MYH15: variants seen among roughly 807,000 people sequenced by gnomAD.
MYH15 encodes the protein myosin-15.
In MYH15, 227 loss-of-function variants were observed where a neutral mutation model predicts 240.5. The ratio of observed to expected loss-of-function variants is 0.94; its 90% CI spans 0.85 to 1.05. The LOEUF (loss-of-function observed/expected upper bound fraction) is 1.05. MYH15 is among the 50% of genes least tolerant of loss of function. The pLI is 0.00. For missense variants in MYH15, 2,217 were observed against 2,247.5 expected (o/e 0.99, Z 0.27); for synonymous variants, 785 against 796.7 (o/e 0.99, Z 0.25).
intron 35 of MYH15, among the ~76,000 whole-genome samples, chr3:108,395,248 G>C (rs11713294): frequency 0.068 from 10,401 of 152,272 alleles, 1,100 homozygotes; most frequent in East Asian, 0.48. Flanking sequence ...CAACCTGAGT[G>C]ACAGAGTGAG....
At chr3:108,505,998 C>T (rs144999768) in intron 1 of MYH15, among the ~76,000 whole-genome samples, 169 bp from the exon 2 acceptor site, 69 of 152,246 alleles carry the variant, frequency 4.5e-4, no homozygotes, top group Middle Eastern at 3.4e-3. Context: ...TGAAGATACA[C>T]TCACTCACAT....
chr3:108,464,602 G>A, intron 15 of MYH15, 36 bp downstream of exon 15: 1 of 1,557,794 alleles, frequency 6.4e-7, no homozygotes, highest in Non-Finnish European at 8.7e-7. Flanking sequence ...AACAAAGTCA[G>A]GAAAATTCAA....
intron 22 of MYH15, 80 bp from the exon 23 acceptor site, chr3:108,441,340 CAA>C: frequency 1.3e-6 from 2 of 1,517,190 alleles, no homozygotes; most frequent in South Asian, 1.2e-5. Context: ...TAACACACAG[CAA>C]AGAGATAATT....
chr3:108,534,536 T>C, the MYH15 span, among the ~76,000 whole-genome samples: 1 of 152,086 alleles, frequency 6.6e-6, no homozygotes, highest in East Asian at 1.9e-4. Flanking sequence ...ATTGTCTTCT[T>C]TACAAGTTGT....
Position 108,455,866 on chromosome 3 carries a change from TA to T in MYH15, c.2139-8del. ...TGGATTCAGAATGCAGTACCTAATTTAAAATAAAGAAAAAATCATGAGTTTG... is the reference window on the plus strand; with the variant it reads ...TGGATTCAGAATGCAGTACCTAATTTAAATAAAGAAAAAATCATGAGTTTG... On this transcript the variant is annotated splice_polypyrimidine_tract_variant and splice_region_variant and intron_variant, in intron 19 of 40. Transcript: ENST00000693548. 6.2e-7 allele frequency: 1 copy of T among 1,608,026 alleles called. No homozygotes were observed. The highest frequency in any genetic ancestry group is 8.5e-7 in the Non-Finnish European group (1 of 1,175,058).
chr3:108,386,722 C>G (rs1268465362), intron 38 of MYH15, among the ~76,000 whole-genome samples: 1 of 151,970 alleles, frequency 6.6e-6, no homozygotes, highest in Non-Finnish European at 1.5e-5. Flanking sequence ...TCTTGTACAT[C>G]TAACTCTATC....
chr3:108,440,201 T>C (rs1377830329), intron 23 of MYH15, among the ~76,000 whole-genome samples: 2 of 152,218 alleles, frequency 1.3e-5, no homozygotes, highest in Non-Finnish European at 2.9e-5. Flanking sequence ...TAATATGAAC[T>C]AAATTGGATG....
At chr3:108,410,019 GC>G (rs1480105517) in intron 31 of MYH15, among the ~76,000 whole-genome samples, 1 of 152,192 alleles carries the variant, frequency 6.6e-6, no homozygotes, top group Non-Finnish European at 1.5e-5. Flanking sequence ...GTGCGTATAT[GC>G]TGGAGCCGTG....
At chr3:108,548,082 T>C in the MYH15 span, among the ~76,000 whole-genome samples, 1 of 152,168 alleles carries the variant, frequency 6.6e-6, no homozygotes, top group Non-Finnish European at 1.5e-5. Flanking sequence ...ATGTCAACTA[T>C]AGCATGAAGG....
At chr3:108,504,549 A>G (rs185123274) in intron 2 of MYH15, among the ~76,000 whole-genome samples, 1 of 152,216 alleles carries the variant, frequency 6.6e-6, no homozygotes, top group East Asian at 1.9e-4. Flanking sequence ...AACTTTCTCG[A>G]TATCAATAAT....
chr3:108,513,839 G>A (rs538731194), upstream of MYH15, among the ~76,000 whole-genome samples: 9 of 152,252 alleles, frequency 5.9e-5, no homozygotes, highest in East Asian at 3.9e-4. Flanking sequence ...GGTTGGATTC[G>A]GAGAAAGACA....
Position 108,391,813 on chromosome 3 carries a change from C to T in MYH15, c.5377G>A (p.Glu1793Lys). ...TDLQKRLAEAEQMALMGSRKQ... is the reference protein window; with the variant it reads ...TDLQKRLAEAKQMALMGSRKQ... ...CTACTCCCCATCAGGGCCATCTGTT[C>T]AGCTTCAGCCAGCCTTTTCTGTAAG... The change falls in exon 37 of 41, where the codon GAA (glutamate) becomes AAA (lysine). Residue 1793 changes from glutamate (E) to lysine (K), a missense_variant. Glu to Lys is a moderately conservative substitution (Grantham distance 56). Coordinates refer to ENST00000693548, the MANE Select transcript of MYH15 (RefSeq NM_014981.3). 2 of 1,614,106 alleles carry T rather than the reference C, an allele frequency of 1.2e-6. No homozygotes were observed.
At chr3:108,472,030 C>A (rs2083182471) in intron 12 of MYH15, among the ~76,000 whole-genome samples, 3 of 152,136 alleles carry the variant, frequency 2.0e-5, no homozygotes, top group Admixed American at 2.0e-4. Flanking sequence ...ATATTAGTTC[C>A]CAGTTTTGCT....
chr3:108,429,170 C>A (rs2082754452), intron 26 of MYH15, among the ~76,000 whole-genome samples: 1 of 152,086 alleles, frequency 6.6e-6, no homozygotes, highest in Admixed American at 6.5e-5. Flanking sequence ...AGGAAAATAT[C>A]TTTCATACGA....
intron 3 of MYH15, among the ~76,000 whole-genome samples, chr3:108,500,850 T>C (rs2603131): frequency 2.0e-5 from 3 of 152,140 alleles, no homozygotes; most frequent in East Asian, 1.9e-4. Flanking sequence ...TGTGTTCTTA[T>C]AAGAGACACA....
the MYH15 span, among the ~76,000 whole-genome samples, chr3:108,549,157 T>A: frequency 0.019 from 2,904 of 152,004 alleles, 105 homozygotes; most frequent in African/African-American, 0.067. Context: ...CTAAGTTTTG[T>A]TTTTTCCATT....
intron 28 of MYH15, among the ~76,000 whole-genome samples, chr3:108,420,579 G>C (rs891554164): frequency 6.6e-6 from 1 of 152,056 alleles, no homozygotes; most frequent in Non-Finnish European, 1.5e-5. Context: ...CATAGAGGTC[G>C]ACGTGGCCAA....
upstream of MYH15, among the ~76,000 whole-genome samples, chr3:108,515,348 G>A (rs1553689258): frequency 6.6e-6 from 1 of 152,188 alleles, no homozygotes; most frequent in Non-Finnish European, 1.5e-5. Context: ...CATCCATAGA[G>A]AGGGAGTCAC....
chr3:108,427,614 C>G (rs1330571360), intron 27 of MYH15, among the ~76,000 whole-genome samples: 1 of 95,236 alleles, frequency 1.1e-5, no homozygotes, highest in Non-Finnish European at 2.2e-5. Flanking sequence ...CACACACACA[C>G]ACAACACACA....
Sources: gnomAD v4.1 joint callset for allele counts (sites outside exome capture counted in the v4.1 genomes callset) on GRCh38, gnomAD v4.1.1 for gene constraint, MANE v1.5 for transcripts, NCBI Gene and HGNC (gene_info 2026-07-23, HGNC 2026-07-21) for gene names.